The following MCPH1 variants were observed in gnomAD, a reference collection of about 807,000 sequenced individuals.
MCPH1 encodes microcephalin.
MCPH1 carries 104 observed loss-of-function variants against 84.5 expected under a neutral mutation model. The observed-to-expected ratio is 1.23, with a 90% CI of 1.05 to 1.45. MCPH1 has a LOEUF of 1.45. Among genes scored for constraint, MCPH1 ranks in the 40% most tolerant of loss-of-function variants. The pLI is 0.00. For missense variants in MCPH1, 1,498 were observed against 1,005.7 expected (o/e 1.49, Z -6.62); for synonymous variants, 514 against 366.8 (o/e 1.40, Z -4.58).
intron 8 of MCPH1, chr8:6,446,871 A>G (rs1164830383): frequency 2.0e-6 from 2 of 985,000 alleles, no homozygotes; most frequent in African/African-American, 3.5e-5. Flanking sequence ...TATGTTCTAG[A>G]ACACTGCCCC....
At chr8:6,585,283 A>G (rs191356571) in intron 12 of MCPH1, among the ~76,000 whole-genome samples, 3 of 152,340 alleles carry the variant, frequency 2.0e-5, no homozygotes, top group Admixed American at 6.5e-5. Flanking sequence ...TTACACGTGA[A>G]GCAGGATCCG....
intron 12 of MCPH1, among the ~76,000 whole-genome samples, chr8:6,609,828 C>CACA (rs1554476434): frequency 9.2e-6 from 1 of 108,742 alleles, no homozygotes; most frequent in Non-Finnish European, 2.2e-5. Flanking sequence ...CGCCCCCCCC[C>CACA]CACACACAGA....
At chr8:6,413,793 T>TCA (rs1798868472) in intron 2 of MCPH1, among the ~76,000 whole-genome samples, 1 of 151,882 alleles carries the variant, frequency 6.6e-6, no homozygotes, top group Non-Finnish European at 1.5e-5. Flanking sequence ...CTTGCTGTGT[T>TCA]ACCCAGGCTG....
chr8:6,435,611 C>T (rs1346811419), intron 4 of MCPH1, among the ~76,000 whole-genome samples: 2 of 152,060 alleles, frequency 1.3e-5, no homozygotes, highest in African/African-American at 4.8e-5. Flanking sequence ...TAGGTTCTGC[C>T]CGTGGTTACA....
chr8:6,586,132 AT>A (rs942297968), intron 12 of MCPH1, among the ~76,000 whole-genome samples: 1 of 150,938 alleles, frequency 6.6e-6, no homozygotes, highest in Non-Finnish European at 1.5e-5. Flanking sequence ...ACGCTTTCTG[AT>A]TTTTTTTTGT....
chr8:6,463,337 T>C (rs73661750), intron 9 of MCPH1, among the ~76,000 whole-genome samples: 1,719 of 152,312 alleles, frequency 0.011, 35 homozygotes, highest in African/African-American at 0.04. Flanking sequence ...CTGAAAGAAC[T>C]GAGATCTTTG....
chr8:6,444,408 G>T lies in MCPH1; in HGVS notation c.686G>T (p.Gly229Val). The change falls in exon 8 of 14, where the codon GGT (glycine) becomes GTT (valine). Residue 229 changes from glycine (G) to valine (V), a missense_variant. Gly to Val is a moderately radical substitution (Grantham distance 109, BLOSUM62 -3). Transcript: ENST00000344683. ...TGTTTTCCAGATGAATACTTTGCTG[G>T]TGGCTTACACTCATCTTTTGATGAT... is the stretch of plus-strand genomic sequence containing the variant. ...DTLCSDEYFA[G>V]GLHSSFDDLC... is the part of the protein sequence containing the mutation. The T allele has an allele frequency of 6.2e-7, 1 of 1,614,120 alleles. No individual in the cohort carries two copies. The highest frequency in any genetic ancestry group is 8.5e-7 in the Non-Finnish European group (1 of 1,180,020).
chr8:6,590,791 G>T (rs902462802), intron 12 of MCPH1, among the ~76,000 whole-genome samples: 1 of 152,216 alleles, frequency 6.6e-6, no homozygotes, highest in African/African-American at 2.4e-5. Context: ...GAAAATCGAG[G>T]CTGCCTCAGG....
intron 3 of MCPH1, among the ~76,000 whole-genome samples, chr8:6,415,644 G>A (rs1799170852): frequency 1.3e-5 from 2 of 152,132 alleles, no homozygotes; most frequent in South Asian, 2.1e-4. Flanking sequence ...GTGAGCCACC[G>A]TGCGCGGCCC....
At chr8:6,585,505 C>A (rs368381485) in intron 12 of MCPH1, among the ~76,000 whole-genome samples, 1 of 152,370 alleles carries the variant, frequency 6.6e-6, no homozygotes, top group East Asian at 1.9e-4. Flanking sequence ...CGAAAACATG[C>A]AGTTGGGCTG....
At chr8:6,574,245 C>T (rs117065853) in intron 12 of MCPH1, among the ~76,000 whole-genome samples, 7,832 of 152,256 alleles carry the variant, frequency 0.051, 261 homozygotes, top group Non-Finnish European at 0.079. Context: ...GTAATTGAGG[C>T]ATCAGCAGGG....
At chr8:6,439,989 G>A (rs574743073) in intron 6 of MCPH1, among the ~76,000 whole-genome samples, 3 of 152,296 alleles carry the variant, frequency 2.0e-5, no homozygotes, top group Non-Finnish European at 4.4e-5. Context: ...TTTGGTTTCT[G>A]TGTGGAGGTG....
chr8:6,539,740 C>A (rs1821197847), intron 12 of MCPH1, among the ~76,000 whole-genome samples: 1 of 152,182 alleles, frequency 6.6e-6, no homozygotes, highest in Admixed American at 6.5e-5. Context: ...GCGCACACCA[C>A]CATGCCTGGG....
rs891915584 is a variant in MCPH1 at position 6,646,522 on chromosome 8, A to G, written c.*3473A>G. On this transcript the variant is annotated 3_prime_UTR_variant, in exon 14 of 14. Transcript: ENST00000344683. Reference sequence around the variant, plus strand: ...TCAGTATAGCAGCATATTCTTTTCAACAAATGGTGCTGGCAGAAGAAAAAA... The same window carrying G: ...TCAGTATAGCAGCATATTCTTTTCAGCAAATGGTGCTGGCAGAAGAAAAAA... 6.6e-6 allele frequency: 1 copy of G among 152,238 alleles called. No homozygotes were observed. The highest frequency in any genetic ancestry group is 1.5e-5 in the Non-Finnish European group (1 of 68,040). 9.4% of individuals were successfully genotyped at this position (152,238 alleles called of 1,614,324 possible). A position where few individuals can be genotyped will look rare whatever the true frequency, so the allele number is the denominator to read the frequency against.
chr8:6,620,548 C>A (rs568238393), intron 12 of MCPH1, among the ~76,000 whole-genome samples: 2 of 152,252 alleles, frequency 1.3e-5, no homozygotes, highest in African/African-American at 4.8e-5. Flanking sequence ...CTGAGAAGGT[C>A]CCTTCATCCC....
intron 12 of MCPH1, among the ~76,000 whole-genome samples, chr8:6,506,534 A>T (rs1813765766): frequency 6.6e-6 from 1 of 152,156 alleles, no homozygotes; most frequent in Non-Finnish European, 1.5e-5. Flanking sequence ...TCAAGGAGAG[A>T]GCTGGGTCCA....
intron 12 of MCPH1, among the ~76,000 whole-genome samples, chr8:6,601,385 C>A (rs1829347364): frequency 6.6e-6 from 1 of 152,128 alleles, no homozygotes; most frequent in South Asian, 2.1e-4. Flanking sequence ...TTCCGTCCAG[C>A]CACCTGGTTG....
intron 12 of MCPH1, among the ~76,000 whole-genome samples, chr8:6,522,420 T>C (rs1018755210): frequency 4.6e-5 from 7 of 151,880 alleles, no homozygotes; most frequent in Non-Finnish European, 7.4e-5. Flanking sequence ...AGTCAATGAA[T>C]GTTTGTTAAC....
Position 6,470,443 on chromosome 8 carries a change from C to T in MCPH1, c.1936-7151C>T, listed in dbSNP as rs984209545. Among the ~76,000 whole-genome samples the T allele has an allele frequency of 3.6e-4, 55 of 152,214 alleles. 1 individual carries two copies. The highest frequency in any genetic ancestry group is 1.3e-3 in the African/African-American group (52 of 41,530). ...GGATTACAGGTTTCCTGCCACCACA[C>T]CCAGCTAATTTTTGTATTTTTAGGA... On this transcript the variant is annotated intron_variant, in intron 9 of 13. Coordinates refer to ENST00000344683, the MANE Select transcript of MCPH1 (RefSeq NM_024596.5).
Sources: gnomAD v4.1 joint callset for allele counts (sites outside exome capture counted in the v4.1 genomes callset) on GRCh38, gnomAD v4.1.1 for gene constraint, MANE v1.5 for transcripts, NCBI Gene and HGNC (gene_info 2026-07-23, HGNC 2026-07-21) for gene names.